Variants in PDK1 observed in about 807,000 individuals in gnomAD.
PDK1 encodes [Pyruvate dehydrogenase (acetyl-transferring)] kinase isozyme 1, mitochondrial.
A neutral mutation model predicts 54.2 loss-of-function variants in PDK1; 39 were observed. That is an observed-to-expected ratio of 0.72 (90% CI 0.56 to 0.94). PDK1 has a LOEUF of 0.94. Ranked by LOEUF, PDK1 falls within the 40% of genes least tolerant of loss-of-function variation. The pLI is 0.00. For synonymous variants in PDK1, 221 were observed against 207.1 expected, an observed-to-expected ratio of 1.07 and a Z score of -0.58; for missense variants, 552 against 566.0, an observed-to-expected ratio of 0.98 and a Z score of 0.25.
intron 8 of PDK1, among the ~76,000 whole-genome samples, chr2:172,571,695 T>A (rs950575375): frequency 6.6e-6 from 1 of 152,138 alleles, no homozygotes; most frequent in Non-Finnish European, 1.5e-5. Context: ...ATGATAGTGT[T>A]TTTCTTTTTT....
chr2:172,697,841 C>A, the PDK1 span, among the ~76,000 whole-genome samples: 2 of 152,110 alleles, frequency 1.3e-5, no homozygotes, highest in Non-Finnish European at 2.9e-5. Context: ...TATACATTAC[C>A]ACAGCTATAG....
chr2:172,633,643 T>C, the PDK1 span, among the ~76,000 whole-genome samples: 1 of 151,196 alleles, frequency 6.6e-6, no homozygotes, highest in African/African-American at 2.4e-5. Context: ...GCCTTGCAGA[T>C]GAACAAATAT....
At chr2:172,674,866 A>G in the PDK1 span, 1 of 152,232 alleles carries the variant, frequency 6.6e-6, no homozygotes, top group African/African-American at 2.4e-5. Flanking sequence ...GCCCGCGTCC[A>G]AGGCGCCACC....
At chr2:172,615,623 C>CA in the PDK1 span, among the ~76,000 whole-genome samples, 2,452 of 138,540 alleles carry the variant, frequency 0.018, 31 homozygotes, top group African/African-American at 0.024. Flanking sequence ...AACTCTGTCT[C>CA]AAAAAAAAAA....
the PDK1 span, among the ~76,000 whole-genome samples, chr2:172,703,766 C>CTTTTTTTTTTT: frequency 3.5e-3 from 313 of 89,106 alleles, 21 homozygotes; most frequent in African/African-American, 0.012. Flanking sequence ...TTCTTTCTTT[C>CTTTTTTTTTTT]TTTTTTTTTT....
At chr2:172,628,246 G>A in the PDK1 span, among the ~76,000 whole-genome samples, 9 of 152,318 alleles carry the variant, frequency 5.9e-5, no homozygotes, top group South Asian at 4.1e-4. Flanking sequence ...AGGTTTAAGC[G>A]TTAGCTTAGC....
the PDK1 span, among the ~76,000 whole-genome samples, chr2:172,675,631 T>C: frequency 6.6e-6 from 1 of 152,076 alleles, no homozygotes; most frequent in South Asian, 2.1e-4. Context: ...CTACTAGAGG[T>C]GGGTCCATGA....
chr2:172,694,074 T>C, the PDK1 span, among the ~76,000 whole-genome samples: 1 of 152,222 alleles, frequency 6.6e-6, no homozygotes. Context: ...GTGGCGACCA[T>C]AGCAGAGAGG....
intron 6 of PDK1, among the ~76,000 whole-genome samples, chr2:172,568,392 A>T (rs1167486847): frequency 1.3e-5 from 2 of 151,766 alleles, no homozygotes; most frequent in Non-Finnish European, 2.9e-5. Context: ...TGGACTGTGG[A>T]ATTTAAAGAT....
chr2:172,668,958 A>T, the PDK1 span, among the ~76,000 whole-genome samples: 7 of 146,964 alleles, frequency 4.8e-5, no homozygotes, highest in Admixed American at 4.8e-4. Flanking sequence ...GAGACGGAGT[A>T]AACTCATACA....
At chr2:172,577,027 A>G (rs1033672505) in intron 8 of PDK1, among the ~76,000 whole-genome samples, 6 of 152,164 alleles carry the variant, frequency 3.9e-5, no homozygotes, top group Admixed American at 2.6e-4. Context: ...TGTTATATCC[A>G]TTGTTGAAAG....
chr2:172,630,877 A>G, the PDK1 span, among the ~76,000 whole-genome samples: 2,611 of 152,012 alleles, frequency 0.017, 74 homozygotes, highest in African/African-American at 0.059. Context: ...CGATCCTCCC[A>G]CCTTGGCTTC....
upstream of PDK1, chr2:172,556,007 G>T (rs1688291477): frequency 1.9e-6 from 1 of 521,680 alleles, no homozygotes; most frequent in Non-Finnish European, 3.0e-6. Context: ...GGCGCAGGGG[G>T]CCGGGCTCCG....
chr2:172,645,221 C>T, the PDK1 span, among the ~76,000 whole-genome samples: 8,139 of 128,844 alleles, frequency 0.063, 299 homozygotes, highest in Middle Eastern at 0.15. Flanking sequence ...ATTGGATAAA[C>T]ATTTAAAAGG....
chr2:172,646,735 C>CTCTTTTTTTTTTT, the PDK1 span, among the ~76,000 whole-genome samples: 3 of 72,060 alleles, frequency 4.2e-5, no homozygotes, highest in Non-Finnish European at 8.1e-5. Context: ...CTTGCATTTC[C>CTCTTTTTTTTTTT]TTTTTTTTTT....
At chr2:172,610,023 T>C (rs547788509), downstream of PDK1, among the ~76,000 whole-genome samples, 47 of 152,258 alleles carry the variant, frequency 3.1e-4, no homozygotes, top group South Asian at 9.3e-3. Flanking sequence ...GGTTTCACCA[T>C]GTTGGTCTGG....
chr2:172,606,326 C>G lies in PDK1; in HGVS notation c.*10357C>G, dbSNP rs1467282017. 1 of 152,200 alleles carries G rather than the reference C, an allele frequency of 6.6e-6. No individual in the cohort carries two copies. The highest frequency in any genetic ancestry group is 6.5e-5 in the Admixed American group (1 of 15,282). The allele number at this position is 152,200 out of a possible 1,614,324, so 9.4% of individuals were successfully genotyped here. ...CTCTCTCTTAGAACTTAATCAAACT[C>G]TTGGCATCCACAGAAGGCTAGGAGG... is the stretch of plus-strand genomic sequence containing the variant. On this transcript the variant is annotated 3_prime_UTR_variant, in exon 11 of 11. Transcript: ENST00000282077.
chr2:172,718,815 A>G, the PDK1 span, among the ~76,000 whole-genome samples: 1 of 152,158 alleles, frequency 6.6e-6, no homozygotes, highest in Non-Finnish European at 1.5e-5. Flanking sequence ...TTATCTTTTT[A>G]TGTGTTTACT....
chr2:172,716,167 G>C, the PDK1 span, among the ~76,000 whole-genome samples: 2 of 152,076 alleles, frequency 1.3e-5, no homozygotes, highest in Non-Finnish European at 2.9e-5. Context: ...TGTGTAGAAG[G>C]CATACTCATT....
Sources: gnomAD v4.1 joint callset for allele counts (sites outside exome capture counted in the v4.1 genomes callset) on GRCh38, gnomAD v4.1.1 for gene constraint, MANE v1.5 for transcripts, NCBI Gene and HGNC (gene_info 2026-07-23, HGNC 2026-07-21) for gene names.